The following NFIA variants were observed in gnomAD, a reference collection of about 807,000 sequenced individuals.
The protein encoded by NFIA is nuclear factor 1 A-type.
Under a neutral mutation model 62.8 loss-of-function variants are expected in NFIA, and 8 were observed. That is an observed-to-expected ratio of 0.13 (90% CI 0.07 to 0.23). The LOEUF (loss-of-function observed/expected upper bound fraction) is 0.23. Among genes scored for constraint, NFIA ranks in the 10% least tolerant of loss-of-function variants. The probability of loss-of-function intolerance (pLI) is 1.00; values close to 1 mark genes in which losing one functional copy is unlikely to be tolerated. For synonymous variants in NFIA, 235 were observed against 238.1 expected (o/e 0.99, Z 0.12); for missense variants, 410 against 642.1 (o/e 0.64, Z 3.91).
At chr1:61,201,787 CA>C (rs1652516451) in intron 2 of NFIA, among the ~76,000 whole-genome samples, 1 of 152,090 alleles carries the variant, frequency 6.6e-6, no homozygotes, top group Non-Finnish European at 1.5e-5. Flanking sequence ...CAAAGTATTT[CA>C]GGTAAAAGAT....
At position 61,259,614 on chromosome 1, in the gene NFIA, C is replaced by T. The variant is rs548533071; in HGVS notation, c.560-17906C>T. On this transcript the variant is annotated intron_variant, in intron 2 of 10. Transcript: ENST00000403491. Reference sequence around the variant, plus strand: ...AAGGATTCTGACGTTATCTTCTACACTGGTTAGAATAGAAGGATGGAATCC... The same window carrying T: ...AAGGATTCTGACGTTATCTTCTACATTGGTTAGAATAGAAGGATGGAATCC... 2.0e-4 allele frequency among the ~76,000 whole-genome samples: 30 copies of T among 152,278 alleles called. No homozygotes were observed. The South Asian group carries it at 6.0e-3, about 31-fold the overall frequency.
intron 2 of NFIA, among the ~76,000 whole-genome samples, chr1:61,244,123 A>G (rs1374603840): frequency 6.6e-6 from 1 of 152,200 alleles, no homozygotes; most frequent in East Asian, 1.9e-4. Flanking sequence ...TCTATATAGT[A>G]GCTTTCTGCA....
chr1:61,304,240 C>T (rs1471123406), intron 3 of NFIA, among the ~76,000 whole-genome samples: 1 of 151,592 alleles, frequency 6.6e-6, no homozygotes, highest in Non-Finnish European at 1.5e-5. Flanking sequence ...CACGCCACTG[C>T]ACTCCAGCCT....
chr1:61,110,207 G>T (rs1405671227), intron 2 of NFIA, among the ~76,000 whole-genome samples: 2 of 151,430 alleles, frequency 1.3e-5, no homozygotes, highest in Non-Finnish European at 2.9e-5. Context: ...ATGCAATTTG[G>T]CTAAATGGCC....
At chr1:61,437,142 G>T (rs1366876092) in intron 10 of NFIA, among the ~76,000 whole-genome samples, 1 of 152,186 alleles carries the variant, frequency 6.6e-6, no homozygotes, top group Non-Finnish European at 1.5e-5. Flanking sequence ...GCCCTCCAGG[G>T]CTGGACTATG....
intron 2 of NFIA, among the ~76,000 whole-genome samples, chr1:61,170,872 T>G (rs1360324280): frequency 3.3e-5 from 5 of 151,922 alleles, no homozygotes; most frequent in Non-Finnish European, 5.9e-5. Flanking sequence ...GAAGCAGACT[T>G]TGTTGTTGTT....
At chr1:61,371,177 T>C (rs1180162521) in intron 6 of NFIA, among the ~76,000 whole-genome samples, 2 of 152,164 alleles carry the variant, frequency 1.3e-5, no homozygotes, top group African/African-American at 4.8e-5. Flanking sequence ...TTTAGGGACT[T>C]ATATAAGCAA....
chr1:61,388,831 G>A (rs1159711669), intron 7 of NFIA, among the ~76,000 whole-genome samples: 1 of 152,204 alleles, frequency 6.6e-6, no homozygotes, highest in East Asian at 1.9e-4. Flanking sequence ...AAACAAGTAT[G>A]TGGCTAGGTA....
At chr1:61,272,836 C>T (rs1047095240) in intron 2 of NFIA, among the ~76,000 whole-genome samples, 2 of 152,148 alleles carry the variant, frequency 1.3e-5, no homozygotes, top group East Asian at 1.9e-4. Context: ...GTGGAATTTT[C>T]GCTTTATTTC....
intron 2 of NFIA, among the ~76,000 whole-genome samples, chr1:61,224,517 T>G (rs1357463979): frequency 6.6e-6 from 1 of 152,184 alleles, no homozygotes; most frequent in Non-Finnish European, 1.5e-5. Context: ...AATTATGCCC[T>G]TAGCCTTTTC....
intron 3 of NFIA, among the ~76,000 whole-genome samples, chr1:61,323,557 T>C (rs1385927800): frequency 2.6e-5 from 4 of 152,196 alleles, no homozygotes; most frequent in Non-Finnish European, 4.4e-5. Flanking sequence ...ATAAGCCGTA[T>C]CTCAAATGTC....
At chr1:61,246,520 A>G (rs1167754956) in intron 2 of NFIA, among the ~76,000 whole-genome samples, 1 of 152,112 alleles carries the variant, frequency 6.6e-6, no homozygotes, top group Non-Finnish European at 1.5e-5. Context: ...GATGCAGTAT[A>G]TTAATCTTTT....
At chr1:61,255,292 G>A (rs1003024930) in intron 2 of NFIA, among the ~76,000 whole-genome samples, 4 of 152,164 alleles carry the variant, frequency 2.6e-5, no homozygotes, top group South Asian at 4.1e-4. Flanking sequence ...TCAGCAATAC[G>A]CTCCTTGTTT....
intron 4 of NFIA, among the ~76,000 whole-genome samples, chr1:61,335,221 C>G (rs930685208): frequency 6.6e-6 from 1 of 152,148 alleles, no homozygotes; most frequent in Non-Finnish European, 1.5e-5. Flanking sequence ...TGTGTCAGCT[C>G]GATCATGGCT....
intron 2 of NFIA, among the ~76,000 whole-genome samples, chr1:61,106,956 A>G (rs2100446066): frequency 6.6e-6 from 1 of 150,806 alleles, no homozygotes; most frequent in East Asian, 1.9e-4. Flanking sequence ...ATACATACAT[A>G]TATATATATA....
At chr1:61,120,304 A>G (rs1646867428) in intron 2 of NFIA, among the ~76,000 whole-genome samples, 1 of 152,242 alleles carries the variant, frequency 6.6e-6, no homozygotes. Flanking sequence ...AGCCACTCAC[A>G]TAAGCTTACT....
intron 2 of NFIA, among the ~76,000 whole-genome samples, chr1:61,097,231 A>G (rs1381842306): frequency 1.3e-5 from 2 of 152,134 alleles, no homozygotes; most frequent in East Asian, 3.9e-4. Flanking sequence ...TATCTCTGGT[A>G]AGTGCTTATG....
At chr1:61,395,314 A>C (rs1357225315) in intron 7 of NFIA, among the ~76,000 whole-genome samples, 1 of 150,856 alleles carries the variant, frequency 6.6e-6, no homozygotes, top group Non-Finnish European at 1.5e-5. Flanking sequence ...AATGCAGGAA[A>C]AGACTTGCAA....
At chr1:61,095,029 GTCT>G (rs1281276439) in intron 2 of NFIA, among the ~76,000 whole-genome samples, 7 of 152,308 alleles carry the variant, frequency 4.6e-5, no homozygotes, top group African/African-American at 1.2e-4. Flanking sequence ...GCAAATCTTG[GTCT>G]TCTTTAAAAT....
Sources: gnomAD v4.1 joint callset for allele counts (sites outside exome capture counted in the v4.1 genomes callset) on GRCh38, gnomAD v4.1.1 for gene constraint, MANE v1.5 for transcripts, NCBI Gene and HGNC (gene_info 2026-07-23, HGNC 2026-07-21) for gene names.